ABHD12: variants seen among roughly 807,000 people sequenced by gnomAD.
ABHD12 encodes abhydrolase domain containing 12, lysophospholipase.
Under a neutral mutation model 58.3 loss-of-function variants are expected in ABHD12, and 43 were observed. The ratio of observed to expected loss-of-function variants is 0.74; its 90% confidence interval spans 0.58 to 0.95. The LOEUF (loss-of-function observed/expected upper bound fraction) is 0.95. Ranked by LOEUF, ABHD12 falls within the 40% of genes least tolerant of loss-of-function variation. The pLI is 0.00. For missense variants in ABHD12, 539 were observed against 537.2 expected, an observed-to-expected ratio of 1.00 and a Z score of -0.03; for synonymous variants, 219 against 211.2, an observed-to-expected ratio of 1.04 and a Z score of -0.32.
chr20:25,386,693 C>T (rs2090095613), intron 1 of ABHD12, among the ~76,000 whole-genome samples: 1 of 152,004 alleles, frequency 6.6e-6, no homozygotes, highest in Admixed American at 6.5e-5. Flanking sequence ...CCAGCCTGGT[C>T]AACATGGCAA....
chr20:25,351,093 A>G (rs893232674), intron 1 of ABHD12, among the ~76,000 whole-genome samples: 1 of 151,902 alleles, frequency 6.6e-6, no homozygotes, highest in African/African-American at 2.4e-5. Flanking sequence ...CATAATAAAC[A>G]TTTCTTCTGT....
rs371141106 is a variant in ABHD12, at chr20:25,330,329, G to A, written c.317-6899C>T. Among the ~76,000 whole-genome samples, 57 of 152,212 alleles carry A rather than the reference G, an allele frequency of 3.7e-4. 1 individual carries two copies. Among genetic ancestry groups the A allele is most frequent in the East Asian group, 2.1e-3 (11 of 5,198 alleles). On this transcript the variant is annotated intron_variant, in intron 2 of 12. Transcript: ENST00000339157. ...GAGGGTCCTACGCCCACGGAGTCTC[G>A]CTGATTGCTAGCACAGCAGTCTGAG...
intron 1 of ABHD12, among the ~76,000 whole-genome samples, chr20:25,346,067 C>T (rs1006956222): frequency 7.2e-5 from 11 of 152,040 alleles, no homozygotes; most frequent in Non-Finnish European, 1.5e-4. Flanking sequence ...GGTAAGATGT[C>T]CTTTGATAGG....
intron 10 of ABHD12, 137 bp downstream of exon 10, chr20:25,306,696 A>T: frequency 1.5e-6 from 1 of 662,520 alleles, no homozygotes; most frequent in Non-Finnish European, 2.6e-6. Flanking sequence ...TTCCCTTTTT[A>T]AAGACCTGTT....
chr20:25,376,036 T>C (rs952034730), intron 1 of ABHD12, among the ~76,000 whole-genome samples: 3 of 151,982 alleles, frequency 2.0e-5, no homozygotes, highest in African/African-American at 7.3e-5. Context: ...GGCAGGAGAA[T>C]GGCATGAGCT....
chr20:25,326,501 T>C (rs2089179669), intron 2 of ABHD12, among the ~76,000 whole-genome samples: 1 of 152,224 alleles, frequency 6.6e-6, no homozygotes, highest in Non-Finnish European at 1.5e-5. Context: ...TATTTGAGGA[T>C]AGAAACCCAT....
chr20:25,388,994 C>T (rs1568783400), intron 1 of ABHD12, among the ~76,000 whole-genome samples: 1 of 151,720 alleles, frequency 6.6e-6, no homozygotes, highest in Non-Finnish European at 1.5e-5. Flanking sequence ...TTAGTACAGA[C>T]GGGGTTTCTC....
intron 1 of ABHD12, among the ~76,000 whole-genome samples, chr20:25,368,948 C>T (rs1463696512): frequency 3.3e-5 from 5 of 152,038 alleles, no homozygotes; most frequent in African/African-American, 1.2e-4. Context: ...CATATTTAGA[C>T]CCTCTTTCTA....
chr20:25,296,607 C>T (rs1035971166), downstream of ABHD12: 8 of 1,494,530 alleles, frequency 5.4e-6, no homozygotes, highest in South Asian at 2.6e-5. Context: ...CTTTGCCAGC[C>T]ACTGGTGGTC....
At chr20:25,326,646 T>C (rs189135348) in intron 2 of ABHD12, among the ~76,000 whole-genome samples, 27 of 152,336 alleles carry the variant, frequency 1.8e-4, no homozygotes, top group East Asian at 5.8e-4. Flanking sequence ...GCCAAGTATA[T>C]AATAAGACTA....
chr20:25,320,974 T>G (rs1364260968), intron 3 of ABHD12, among the ~76,000 whole-genome samples: 1 of 152,208 alleles, frequency 6.6e-6, no homozygotes, highest in Non-Finnish European at 1.5e-5. Flanking sequence ...TGTTAATCAC[T>G]GGGGAGGGTC....
At chr20:25,383,954 C>CAAAAAAAAAAA (rs1201588127) in intron 1 of ABHD12, among the ~76,000 whole-genome samples, 28 of 53,330 alleles carry the variant, frequency 5.3e-4, no homozygotes, top group Non-Finnish European at 9.3e-4. Context: ...GACTCTTTCT[C>CAAAAAAAAAAA]AAAAAAAAAA....
rs532240620 is a variant in ABHD12 at position 25,324,272 on chromosome 20, C to T, written c.317-842G>A. Among the ~76,000 whole-genome samples, 12 of 152,272 alleles carry T rather than the reference C, an allele frequency of 7.9e-5. 1 individual carries two copies. In the South Asian group the frequency reaches 1.7e-3, roughly 21 times the overall value. On this transcript the variant is annotated intron_variant, in intron 2 of 12. Coordinates refer to ENST00000339157, the MANE Select transcript of ABHD12 (RefSeq NM_001042472.3). Reference sequence around the variant, plus strand: ...ATTGTAAAAACATGCAAATGAAACACGACCTCCACATGTGGCTGGGAGGAT... The same window carrying T: ...ATTGTAAAAACATGCAAATGAAACATGACCTCCACATGTGGCTGGGAGGAT...
At chr20:25,316,815 G>A (rs2088970402) in intron 5 of ABHD12, among the ~76,000 whole-genome samples, 2 of 152,232 alleles carry the variant, frequency 1.3e-5, no homozygotes, top group Admixed American at 1.3e-4. Context: ...TGCACCTGCA[G>A]TCTCAGGAGG....
intron 1 of ABHD12, among the ~76,000 whole-genome samples, chr20:25,357,461 T>A (rs2089683400): frequency 6.6e-6 from 1 of 152,212 alleles, no homozygotes; most frequent in Non-Finnish European, 1.5e-5. Context: ...CAAGAAGTAT[T>A]GGTGGGATGA....
chr20:25,366,052 T>C (rs925577882), intron 1 of ABHD12, among the ~76,000 whole-genome samples: 4 of 152,098 alleles, frequency 2.6e-5, no homozygotes, highest in African/African-American at 9.7e-5. Context: ...CAAATAAATA[T>C]TGTTAATTCT....
rs562031768 is a variant in ABHD12 at position 25,306,194 on chromosome 20, A to G, written c.950+639T>C. 6.6e-3 allele frequency among the ~76,000 whole-genome samples: 988 copies of G among 148,942 alleles called. 11 individuals are homozygous for G. Among genetic ancestry groups the G allele is most frequent in the African/African-American group, 0.02 (823 of 40,522 alleles). The stretch of plus-strand genomic sequence containing the variant: ...AAAAACAAAAACAAAAAAAAAAAAA[A>G]GAAGAAAAATCAACCAGTTAATATC... On this transcript the variant is annotated intron_variant, in intron 10 of 12. Coordinates refer to ENST00000339157, the MANE Select transcript of ABHD12 (RefSeq NM_001042472.3).
At chr20:25,312,085 A>G (rs947001038) in intron 6 of ABHD12, among the ~76,000 whole-genome samples, 1 of 152,060 alleles carries the variant, frequency 6.6e-6, no homozygotes, top group Non-Finnish European at 1.5e-5. Flanking sequence ...TCGGGAGGCC[A>G]AGGTGGGCAG....
intron 1 of ABHD12, among the ~76,000 whole-genome samples, chr20:25,364,854 C>T (rs928326396): frequency 3.3e-5 from 5 of 152,220 alleles, no homozygotes; most frequent in African/African-American, 1.2e-4. Context: ...TGCTCTCTGG[C>T]CCTCTGAAGA....
Sources: allele counts gnomAD v4.1 joint callset (sites outside exome capture counted in the v4.1 genomes callset), GRCh38; gene constraint gnomAD v4.1.1; transcripts MANE v1.5; gene names NCBI Gene and HGNC (gene_info 2026-07-23, HGNC 2026-07-21).